Variants in JAKMIP2 observed in about 807,000 individuals in gnomAD.
JAKMIP2 encodes the protein janus kinase and microtubule-interacting protein 2.
Under a neutral mutation model 115.0 loss-of-function variants are expected in JAKMIP2, and 25 were observed. The observed-to-expected ratio is 0.22, with a 90% confidence interval of 0.16 to 0.30. The LOEUF (loss-of-function observed/expected upper bound fraction) is 0.30. JAKMIP2 is among the 10% of genes least tolerant of loss of function. The pLI is 1.00. For missense variants in JAKMIP2, 642 were observed against 957.6 expected (o/e 0.67, Z 4.35); for synonymous variants, 334 against 343.6 (o/e 0.97, Z 0.31).
chr5:147,719,938 G>T lies in JAKMIP2; in HGVS notation c.-148-47984C>A, dbSNP rs202157284. Among the ~76,000 whole-genome samples the T allele has an allele frequency of 4.3e-4, 66 of 152,150 alleles. 1 individual carries two copies. The East Asian group carries it at 8.5e-3, about 20-fold the overall frequency. ...CTCATTAGTTGATGCAGTTTCTTCTGAGTCTTGATGGTCTTTACATTTTGG... is the reference window on the plus strand; with the variant it reads ...CTCATTAGTTGATGCAGTTTCTTCTTAGTCTTGATGGTCTTTACATTTTGG... On this transcript the variant is annotated intron_variant, in intron 1 of 21. Transcript: ENST00000616793.
intron 19 of JAKMIP2, among the ~76,000 whole-genome samples, chr5:147,614,685 G>C (rs941331720): frequency 6.6e-6 from 1 of 152,178 alleles, no homozygotes. Context: ...AAGAAAAGAA[G>C]GAAGAGTTAG....
At chr5:147,694,764 GA>G (rs1416216826) in intron 1 of JAKMIP2, among the ~76,000 whole-genome samples, 1 of 152,040 alleles carries the variant, frequency 6.6e-6, no homozygotes, top group Non-Finnish European at 1.5e-5. Context: ...ATTCATCTTT[GA>G]AAAATTTACT....
At position 147,612,616 on chromosome 5, in the gene JAKMIP2, C is replaced by G. The variant is rs1756389556; in HGVS notation, c.2347-245G>C. On this transcript the variant is annotated intron_variant, in intron 19 of 21. Transcript: ENST00000616793. Reference sequence around the variant, plus strand: ...CAAAAAATATTTGCCACCTTTTCTACTGAGCCTATCCCTGTAGACCCCTTC... The same window carrying G: ...CAAAAAATATTTGCCACCTTTTCTAGTGAGCCTATCCCTGTAGACCCCTTC... 2.0e-5 allele frequency among the ~76,000 whole-genome samples: 3 copies of G among 152,224 alleles called. No homozygotes were observed. The South Asian group carries it at 6.2e-4, about 31-fold the overall frequency.
At chr5:147,666,689 C>T (rs1366769353) in intron 2 of JAKMIP2, among the ~76,000 whole-genome samples, 1 of 152,168 alleles carries the variant, frequency 6.6e-6, no homozygotes, top group Admixed American at 6.5e-5. Flanking sequence ...GTTCCTACAC[C>T]TCCTTGTTTG....
chr5:147,704,107 C>T (rs762910951), intron 1 of JAKMIP2, among the ~76,000 whole-genome samples: 3 of 152,102 alleles, frequency 2.0e-5, no homozygotes, highest in Non-Finnish European at 4.4e-5. Flanking sequence ...CCTTTTGGAA[C>T]ACCTCCTGAG....
At position 147,782,582 on chromosome 5, in the gene JAKMIP2, CT is replaced by C; in HGVS notation, c.-276del. On this transcript the variant is annotated 5_prime_UTR_variant, in exon 1 of 22. Transcript: ENST00000616793. Reference sequence around the variant, plus strand: ...CAGTGGCTGCCGGTTTTTTTTTTCCCTCTGTCTCTGGTTGGCGATGGTGCGA... The same window carrying C: ...CAGTGGCTGCCGGTTTTTTTTTTCCCCTGTCTCTGGTTGGCGATGGTGCGA... The C allele has an allele frequency of 2.0e-6, 2 of 981,594 alleles. No individual in the cohort carries two copies. Among genetic ancestry groups the C allele is most frequent in the African/African-American group, 3.3e-5 (2 of 60,906 alleles). 60.8% of individuals were successfully genotyped at this position (981,594 alleles called of 1,614,324 possible).
At position 147,644,091 on chromosome 5, in the gene JAKMIP2, A is replaced by C. The variant is rs1441819374; in HGVS notation, c.1191T>G (p.Ile397Met). The C allele has an allele frequency of 6.2e-7, 1 of 1,606,706 alleles. No individual in the cohort carries two copies. The highest frequency in any genetic ancestry group is 8.5e-7 in the Non-Finnish European group (1 of 1,175,084). Residue 397 changes from isoleucine (I) to methionine (M), a missense_variant, in exon 7 of 22, where the codon ATT becomes ATG. Coordinates refer to ENST00000616793, the MANE Select transcript of JAKMIP2 (RefSeq NM_001270941.2). The stretch of plus-strand genomic sequence containing the variant: ...GCTCATCAATAATGTTCTGTTGCTC[A>C]ATGACCTGAAGTTTTAGAAACTCTG... ...QETEFLKLQV[I>M]EQQNIIDELT...
Position 147,623,658 on chromosome 5 carries a change from G to A in JAKMIP2, c.2027C>T (p.Ala676Val), listed in dbSNP as rs937478503. The part of the protein sequence containing the change: ...WIQQIEGAEA[A>V]LHQKMMELES... ...CAATTCCATCATTTTCTGGTGTAGG[G>A]CAGCCTCAGCTCCTTCAATCTGCTG... Residue 676 changes from alanine (A) to valine (V), a missense_variant, in exon 17 of 22, where the codon GCC becomes GTC. Transcript: ENST00000616793. The A allele has an allele frequency of 7.4e-6, 12 of 1,611,490 alleles. No individual in the cohort carries two copies. The highest frequency in any genetic ancestry group is 5.9e-6 in the Non-Finnish European group (7 of 1,177,846).
At chr5:147,736,775 T>C (rs1400118955) in intron 1 of JAKMIP2, among the ~76,000 whole-genome samples, 1 of 152,164 alleles carries the variant, frequency 6.6e-6, no homozygotes, top group Non-Finnish European at 1.5e-5. Flanking sequence ...CTTATGGCAA[T>C]GTACGGAATT....
chr5:147,752,826 G>C (rs895519167), intron 1 of JAKMIP2, among the ~76,000 whole-genome samples: 5 of 152,138 alleles, frequency 3.3e-5, no homozygotes, highest in African/African-American at 1.2e-4. Context: ...AATATTTCTA[G>C]CTTTTTGGCT....
chr5:147,628,659 T>G, intron 16 of JAKMIP2, 92 bp downstream of exon 16: 1 of 892,914 alleles, frequency 1.1e-6, no homozygotes, highest in Middle Eastern at 2.2e-4. Context: ...CACACAGTCA[T>G]GTGCAGAGGG....
At chr5:147,628,589 G>T (rs771288158) in intron 16 of JAKMIP2, among the ~76,000 whole-genome samples, 162 bp downstream of exon 16, 1 of 151,872 alleles carries the variant, frequency 6.6e-6, no homozygotes, top group African/African-American at 2.4e-5. Flanking sequence ...TTTCGTTTGG[G>T]TGTTCTCATT....
At chr5:147,666,942 T>C (rs905359689) in intron 2 of JAKMIP2, among the ~76,000 whole-genome samples, 1 of 152,090 alleles carries the variant, frequency 6.6e-6, no homozygotes, top group Non-Finnish European at 1.5e-5. Flanking sequence ...ATATTAATAT[T>C]ATACACTATT....
rs921960702 is a variant in JAKMIP2, at chr5:147,753,512, G to A, written c.-149+28944C>T. On this transcript the variant is annotated intron_variant, in intron 1 of 21. Coordinates refer to ENST00000616793, the MANE Select transcript of JAKMIP2 (RefSeq NM_001270941.2). ...GAGCAATGGCTCCTCAGCTGCCACC[G>A]AGCGTTGCTCTGTGCAAATGCAACC... is the stretch of plus-strand genomic sequence containing the variant. Among the ~76,000 whole-genome samples, 6 of 152,332 alleles carry A rather than the reference G, an allele frequency of 3.9e-5. No individual in the cohort carries two copies. The East Asian group carries it at 5.8e-4, about 15-fold the overall frequency.
chr5:147,723,667 T>C (rs1753403803), intron 1 of JAKMIP2, among the ~76,000 whole-genome samples: 1 of 152,202 alleles, frequency 6.6e-6, no homozygotes, highest in Admixed American at 6.5e-5. Flanking sequence ...TCGACATAGT[T>C]ATTTTTAGCA....
intron 1 of JAKMIP2, among the ~76,000 whole-genome samples, chr5:147,709,823 C>G (rs1053562849): frequency 6.6e-5 from 10 of 152,290 alleles, no homozygotes; most frequent in Non-Finnish European, 1.0e-4. Context: ...GCACTCCAGC[C>G]TGGGCAACAG....
chr5:147,625,466 T>A (rs1215306206), intron 16 of JAKMIP2, among the ~76,000 whole-genome samples: 1 of 152,184 alleles, frequency 6.6e-6, no homozygotes, highest in Non-Finnish European at 1.5e-5. Context: ...ATACACATGG[T>A]TTCCCCTTGA....
At chr5:147,710,968 A>T (rs546989651) in intron 1 of JAKMIP2, among the ~76,000 whole-genome samples, 3 of 152,226 alleles carry the variant, frequency 2.0e-5, no homozygotes, top group African/African-American at 7.2e-5. Flanking sequence ...ACTATTTCCT[A>T]TTTAAACCAA....
At chr5:147,779,265 A>C (rs1324254629) in intron 1 of JAKMIP2, among the ~76,000 whole-genome samples, 1 of 152,116 alleles carries the variant, frequency 6.6e-6, no homozygotes, top group African/African-American at 2.4e-5. Flanking sequence ...CTTAATTAAA[A>C]CAAGTTTTAC....
Sources: gnomAD v4.1 joint callset for allele counts (sites outside exome capture counted in the v4.1 genomes callset) on GRCh38, gnomAD v4.1.1 for gene constraint, MANE v1.5 for transcripts, NCBI Gene and HGNC (gene_info 2026-07-23, HGNC 2026-07-21) for gene names.